Variants in SUGCT observed in about 807,000 individuals in gnomAD.
SUGCT encodes the protein succinyl-CoA:glutarate CoA-transferase.
A neutral mutation model predicts 55.0 loss-of-function variants in SUGCT; 41 were observed. That is an observed-to-expected ratio of 0.74 (90% CI 0.58 to 0.97). The LOEUF is 0.97. SUGCT is among the 50% of genes least tolerant of loss of function. The pLI, the probability that SUGCT is intolerant of heterozygous loss-of-function variation, is 0.00. For missense variants in SUGCT, 568 were observed against 547.8 expected (o/e 1.04, Z -0.37); for synonymous variants, 187 against 200.4 (o/e 0.93, Z 0.56).
chr7:40,368,038 A>G (rs559492495), intron 9 of SUGCT, among the ~76,000 whole-genome samples: 3 of 152,186 alleles, frequency 2.0e-5, no homozygotes, highest in Non-Finnish European at 2.9e-5. Context: ...TCCCTAGAGC[A>G]CTTCCAGCAC....
the SUGCT span, among the ~76,000 whole-genome samples, chr7:40,898,324 G>A: frequency 6.6e-6 from 1 of 152,242 alleles, no homozygotes; most frequent in African/African-American, 2.4e-5. Flanking sequence ...TTTAAGAGCC[G>A]TAAGACTCAC....
the SUGCT span, among the ~76,000 whole-genome samples, chr7:40,944,868 G>T: frequency 2.0e-5 from 3 of 152,268 alleles, no homozygotes; most frequent in South Asian, 6.2e-4. Context: ...AGCTCTTGGT[G>T]CTTTCAAGGG....
At chr7:40,215,461 A>G (rs577432693) in intron 6 of SUGCT, among the ~76,000 whole-genome samples, 1 of 152,250 alleles carries the variant, frequency 6.6e-6, no homozygotes, top group Non-Finnish European at 1.5e-5. Context: ...CCTCTTGAAC[A>G]TTTTAATCAC....
At chr7:40,496,736 TACCTCTGATCATATGATTATCTTAA>T (rs145948733) in intron 12 of SUGCT, among the ~76,000 whole-genome samples, 1 of 146,494 alleles carries the variant, frequency 6.8e-6, no homozygotes. Flanking sequence ...AGAACTTTCA[TACCTCTGATCATATGATTATCTTAA>T]ACCTCTGATC....
At chr7:40,844,295 C>G (rs1793444567) in intron 13 of SUGCT, among the ~76,000 whole-genome samples, 1 of 152,024 alleles carries the variant, frequency 6.6e-6, no homozygotes, top group Non-Finnish European at 1.5e-5. Flanking sequence ...TCTTGGTATC[C>G]AAGTTTTTGT....
the SUGCT span, among the ~76,000 whole-genome samples, chr7:40,969,238 C>T: frequency 2.0e-5 from 3 of 152,190 alleles, no homozygotes; most frequent in African/African-American, 7.2e-5. Context: ...CAAACCCTTT[C>T]TGGAAACACT....
intron 12 of SUGCT, among the ~76,000 whole-genome samples, chr7:40,504,063 C>T (rs1180640890): frequency 2.0e-5 from 3 of 151,972 alleles, no homozygotes; most frequent in African/African-American, 2.4e-5. Context: ...CTTTGCTAAC[C>T]GTAAATGGAA....
At chr7:40,619,000 C>T (rs1050342068) in intron 12 of SUGCT, among the ~76,000 whole-genome samples, 1 of 152,118 alleles carries the variant, frequency 6.6e-6, no homozygotes, top group Non-Finnish European at 1.5e-5. Context: ...GTGCTGAAAA[C>T]CCACCGTCTT....
At chr7:40,321,098 G>A (rs1368270556) in intron 9 of SUGCT, among the ~76,000 whole-genome samples, 2 of 113,144 alleles carry the variant, frequency 1.8e-5, no homozygotes, top group Admixed American at 1.1e-4. Context: ...TTTTTTTGAA[G>A]TGGAGTCTCA....
the SUGCT span, among the ~76,000 whole-genome samples, chr7:41,034,254 T>C: frequency 6.6e-6 from 1 of 152,188 alleles, no homozygotes; most frequent in African/African-American, 2.4e-5. Context: ...TGTGTGCTCA[T>C]GAGTGTGTGC....
the SUGCT span, among the ~76,000 whole-genome samples, chr7:41,034,080 A>G: frequency 6.6e-6 from 1 of 152,222 alleles, no homozygotes; most frequent in Non-Finnish European, 1.5e-5. Context: ...TGTTTTGCTT[A>G]GGATAACCAT....
chr7:40,526,109 A>G (rs1180549381), intron 12 of SUGCT, among the ~76,000 whole-genome samples: 2 of 152,184 alleles, frequency 1.3e-5, no homozygotes, highest in East Asian at 1.9e-4. Context: ...AAGGTATGCA[A>G]AAATCCTCTT....
chr7:40,537,839 G>T (rs1425605685), intron 12 of SUGCT, among the ~76,000 whole-genome samples: 1 of 152,144 alleles, frequency 6.6e-6, no homozygotes, highest in Non-Finnish European at 1.5e-5. Context: ...AATCTTAGAC[G>T]ATTTAACTAC....
chr7:40,601,659 G>A (rs1466391086), intron 12 of SUGCT, among the ~76,000 whole-genome samples: 1 of 151,978 alleles, frequency 6.6e-6, no homozygotes, highest in Admixed American at 6.6e-5. Context: ...TCCAACATGC[G>A]GCCTGCAGAC....
chr7:40,335,466 C>T (rs1474228213), intron 9 of SUGCT, among the ~76,000 whole-genome samples: 2 of 151,680 alleles, frequency 1.3e-5, no homozygotes, highest in African/African-American at 4.9e-5. Context: ...TCCTTCACAT[C>T]CCTTGTAAGT....
At chr7:40,316,642 C>T (rs1360778397) in intron 8 of SUGCT, 118 bp from the exon 9 acceptor site, 1 of 603,036 alleles carries the variant, frequency 1.7e-6, no homozygotes, top group East Asian at 2.9e-5. Context: ...ACTTGATGGA[C>T]AGGTTTTTTT....
intron 6 of SUGCT, among the ~76,000 whole-genome samples, chr7:40,225,592 C>A (rs573412309): frequency 6.6e-6 from 1 of 151,958 alleles, no homozygotes; most frequent in Non-Finnish European, 1.5e-5. Flanking sequence ...CATGCCACCA[C>A]GCTCAGCTAG....
chr7:40,803,328 C>T (rs1200169108), intron 13 of SUGCT, among the ~76,000 whole-genome samples: 1 of 152,142 alleles, frequency 6.6e-6, no homozygotes, highest in Non-Finnish European at 1.5e-5. Context: ...GGATATTGTT[C>T]CATTTTATGC....
intron 12 of SUGCT, among the ~76,000 whole-genome samples, chr7:40,619,889 T>C (rs941071474): frequency 3.9e-5 from 6 of 152,356 alleles, no homozygotes; most frequent in African/African-American, 1.4e-4. Context: ...TTCAAAGTTA[T>C]CTACAAAGAG....
Sources: gnomAD v4.1 joint callset for allele counts (sites outside exome capture counted in the v4.1 genomes callset) on GRCh38, gnomAD v4.1.1 for gene constraint, MANE v1.5 for transcripts, NCBI Gene and HGNC (gene_info 2026-07-23, HGNC 2026-07-21) for gene names.